HECW2: variants seen among roughly 807,000 people sequenced by gnomAD.
HECW2 encodes E3 ubiquitin-protein ligase HECW2.
In HECW2, 61 loss-of-function variants were observed where a neutral mutation model predicts 175.2. The ratio of observed to expected loss-of-function variants is 0.35; its 90% CI spans 0.28 to 0.43. HECW2 has a LOEUF of 0.43. Among genes scored for constraint, HECW2 ranks in the 20% least tolerant of loss-of-function variants. The probability of loss-of-function intolerance (pLI) is 1.00; values close to 1 mark genes in which losing one functional copy is unlikely to be tolerated. For missense variants in HECW2, 1,524 were observed against 2,000.5 expected (o/e 0.76, Z 4.54); for synonymous variants, 671 against 731.0 (o/e 0.92, Z 1.32).
chr2:196,355,003 T>C (rs921216301), intron 2 of HECW2, among the ~76,000 whole-genome samples: 2 of 152,224 alleles, frequency 1.3e-5, no homozygotes, highest in African/African-American at 2.4e-5. Flanking sequence ...TTTTACTACA[T>C]AGGATTTGTG....
At chr2:196,429,314 C>G (rs1269220359) in intron 2 of HECW2, among the ~76,000 whole-genome samples, 1 of 152,132 alleles carries the variant, frequency 6.6e-6, no homozygotes, top group Non-Finnish European at 1.5e-5. Flanking sequence ...GACTACAGAG[C>G]GAAGGGGGCA....
At chr2:196,225,082 A>G (rs889021555) in intron 23 of HECW2, among the ~76,000 whole-genome samples, 18 of 152,222 alleles carry the variant, frequency 1.2e-4, no homozygotes, top group Non-Finnish European at 2.1e-4. Context: ...AATTTGAGCT[A>G]CTATCCCACA....
chr2:196,312,294 A>C (rs1310155543), intron 10 of HECW2, among the ~76,000 whole-genome samples: 2 of 152,184 alleles, frequency 1.3e-5, no homozygotes, highest in Admixed American at 1.3e-4. Context: ...CATTGGATTT[A>C]GTAAAATCAA....
intron 1 of HECW2, among the ~76,000 whole-genome samples, chr2:196,555,559 T>C (rs757088804): frequency 2.5e-4 from 38 of 150,250 alleles, no homozygotes; most frequent in Non-Finnish European, 7.4e-5. Context: ...ACAAGTGATA[T>C]ATAAAATTTT....
intron 1 of HECW2, among the ~76,000 whole-genome samples, chr2:196,559,942 C>T (rs1001305188): frequency 6.6e-6 from 1 of 152,160 alleles, no homozygotes; most frequent in African/African-American, 2.4e-5. Context: ...TCTGCAGGTA[C>T]TTCACAAGAT....
chr2:196,531,168 G>A (rs559202524), intron 1 of HECW2, among the ~76,000 whole-genome samples: 1 of 152,262 alleles, frequency 6.6e-6, no homozygotes, highest in Admixed American at 6.5e-5. Flanking sequence ...TGAAATGAGT[G>A]ATCAAGATAA....
At chr2:196,264,236 T>G (rs974791133) in intron 17 of HECW2, 2 of 152,216 alleles carry the variant, frequency 1.3e-5, no homozygotes, top group Admixed American at 6.5e-5. Flanking sequence ...GAAGTGGATT[T>G]ATTATTCTTT....
At chr2:196,430,368 G>A (rs1025484351) in intron 2 of HECW2, among the ~76,000 whole-genome samples, 3 of 151,846 alleles carry the variant, frequency 2.0e-5, no homozygotes, top group African/African-American at 4.8e-5. Flanking sequence ...TTAATATCCA[G>A]TGTAAAATCA....
intron 1 of HECW2, among the ~76,000 whole-genome samples, chr2:196,510,573 G>T (rs1048588942): frequency 7.5e-6 from 1 of 133,182 alleles, no homozygotes; most frequent in South Asian, 2.7e-4. Context: ...TCTTTTAGAA[G>T]ATTCCTTTAA....
chr2:196,418,496 A>G (rs1695318656), intron 2 of HECW2, among the ~76,000 whole-genome samples: 1 of 152,188 alleles, frequency 6.6e-6, no homozygotes, highest in South Asian at 2.1e-4. Context: ...TATAATAACT[A>G]TATCGCAAAT....
At chr2:196,543,834 G>A (rs565179787) in intron 1 of HECW2, among the ~76,000 whole-genome samples, 4 of 152,254 alleles carry the variant, frequency 2.6e-5, no homozygotes, top group Admixed American at 6.5e-5. Context: ...GGCTGGTCTC[G>A]AATTCCAGAC....
chr2:196,221,058 T>TC, intron 24 of HECW2, 117 bp from the exon 25 acceptor site: 1 of 1,089,444 alleles, frequency 9.2e-7, no homozygotes. Context: ...CCTAGGCACA[T>TC]CCCACAAGCT....
At chr2:196,376,762 C>T (rs575819952) in intron 2 of HECW2, among the ~76,000 whole-genome samples, 151 of 151,918 alleles carry the variant, frequency 9.9e-4, no homozygotes, top group African/African-American at 3.5e-3. Context: ...GATGAAACCC[C>T]GTCTCTACTA....
chr2:196,311,653 C>T (rs1691501765), intron 10 of HECW2, among the ~76,000 whole-genome samples: 1 of 152,026 alleles, frequency 6.6e-6, no homozygotes, highest in Admixed American at 6.6e-5. Context: ...AAAATTCAGC[C>T]AGGGGTGGTG....
intron 15 of HECW2, among the ~76,000 whole-genome samples, chr2:196,274,962 G>A (rs1354212986): frequency 2.0e-5 from 3 of 152,186 alleles, no homozygotes; most frequent in Admixed American, 6.5e-5. Context: ...ATAACACACT[G>A]TACTGGATTT....
At chr2:196,371,090 T>G (rs1693896647) in intron 2 of HECW2, among the ~76,000 whole-genome samples, 1 of 152,194 alleles carries the variant, frequency 6.6e-6, no homozygotes, top group African/African-American at 2.4e-5. Context: ...AGTGGAGGCT[T>G]CTATTCCACC....
intron 1 of HECW2, among the ~76,000 whole-genome samples, chr2:196,505,662 T>A (rs904201478): frequency 5.3e-5 from 8 of 152,126 alleles, no homozygotes; most frequent in African/African-American, 1.2e-4. Context: ...AAAGAGGAAA[T>A]ACACAAGTAA....
chr2:196,585,779 C>T (rs1384550567), intron 1 of HECW2, among the ~76,000 whole-genome samples: 1 of 152,180 alleles, frequency 6.6e-6, no homozygotes, highest in Non-Finnish European at 1.5e-5. Flanking sequence ...CAGAAGAAAT[C>T]ATTCATTTTT....
chr2:196,498,752 T>C (rs1357209366), intron 1 of HECW2, among the ~76,000 whole-genome samples: 7 of 152,226 alleles, frequency 4.6e-5, no homozygotes. Flanking sequence ...CATTGTTTTA[T>C]AGCTTGCCTT....
Sources: allele counts gnomAD v4.1 joint callset (sites outside exome capture counted in the v4.1 genomes callset), GRCh38; gene constraint gnomAD v4.1.1; transcripts MANE v1.5; gene names NCBI Gene and HGNC (gene_info 2026-07-23, HGNC 2026-07-21).